DNAAF9: variants seen among roughly 807,000 people sequenced by gnomAD.
DNAAF9 encodes the protein shulin.
DNAAF9 carries 90 observed loss-of-function variants against 167.0 expected under a neutral mutation model. The ratio of observed to expected loss-of-function variants is 0.54; its 90% CI spans 0.45 to 0.64. DNAAF9 has a LOEUF of 0.64. Ranked by LOEUF, DNAAF9 falls within the 30% of genes least tolerant of loss-of-function variation. The pLI, the probability that DNAAF9 is intolerant of heterozygous loss-of-function variation, is 0.00. For missense variants in DNAAF9, 1,315 were observed against 1,442.2 expected, an observed-to-expected ratio of 0.91 and a Z score of 1.43; for synonymous variants, 491 against 508.8, an observed-to-expected ratio of 0.96 and a Z score of 0.47.
chr20:3,281,732 G>T lies in DNAAF9; in HGVS notation c.2521C>A (p.Gln841Lys). Reference sequence around the variant, plus strand: ...TTGACATTTGAGTCTGGGTGGGTCTGCAGGGCCTGGACAACATCAATAACA... The same window carrying T: ...TTGACATTTGAGTCTGGGTGGGTCTTCAGGGCCTGGACAACATCAATAACA... ...TDVIDVVQAL[Q>K]THPDSNVKAS... The change falls in exon 28 of 37, where the codon CAG (glutamine) becomes AAG (lysine). Residue 841 changes from glutamine (Q) to lysine (K), a missense_variant. By Grantham distance (53) the Gln-to-Lys change is moderately conservative. Transcript: ENST00000252032. 3 of 1,612,236 alleles carry T rather than the reference G, an allele frequency of 1.9e-6. No individual in the cohort carries two copies. Among genetic ancestry groups the T allele is most frequent in the Non-Finnish European group, 1.7e-6 (2 of 1,179,186 alleles).
rs145679854 is a variant in DNAAF9, at chr20:3,317,758, G to A, written c.1468+531C>T. On this transcript the variant is annotated intron_variant, in intron 17 of 36. Transcript: ENST00000252032. ...ATTACAGGCACCCACCACCATGCCC[G>A]GCTAATTTTTGTATTTTTAGTAGAG... Among the ~76,000 whole-genome samples, 645 of 151,882 alleles carry A rather than the reference G, an allele frequency of 4.2e-3. 4 individuals carry two copies. Among genetic ancestry groups the A allele is most frequent in the African/African-American group, 0.015 (612 of 41,394 alleles).
intron 28 of DNAAF9, among the ~76,000 whole-genome samples, chr20:3,280,859 A>C (rs1392226137): frequency 6.6e-6 from 1 of 151,942 alleles, no homozygotes; most frequent in Non-Finnish European, 1.5e-5. Context: ...AGCATCCTCC[A>C]ACCTTCCATC....
chr20:3,359,627 A>T lies in DNAAF9; in HGVS notation c.613-34T>A, dbSNP rs138169736. On this transcript the variant is annotated intron_variant, in intron 6 of 36. Coordinates refer to ENST00000252032, the MANE Select transcript of DNAAF9 (RefSeq NM_001009984.3). ...GAGGGCAAAAACATTGAAATAATTA[A>T]GTCAATATCATTAGGACAATCAGAA... 2.1e-6 allele frequency: 3 copies of T among 1,402,740 alleles called. No individual in the cohort carries two copies. In the Admixed American group the frequency reaches 5.4e-5, roughly 25 times the overall value. 86.9% of individuals were successfully genotyped at this position (1,402,740 alleles called of 1,614,324 possible).
intron 32 of DNAAF9, 44 bp downstream of exon 32, chr20:3,259,878 G>T (rs1348757526): frequency 8.8e-7 from 1 of 1,137,392 alleles, no homozygotes; most frequent in Non-Finnish European, 1.3e-6. Context: ...TTAACTCTGG[G>T]ACACCCTTTT....
intron 29 of DNAAF9, among the ~76,000 whole-genome samples, chr20:3,275,942 A>G (rs1355633325): frequency 6.6e-6 from 1 of 152,236 alleles, no homozygotes; most frequent in Non-Finnish European, 1.5e-5. Flanking sequence ...TGCTTTTAAA[A>G]GCAGGCCATG....
At chr20:3,354,235 C>A (rs573928802) in intron 7 of DNAAF9, among the ~76,000 whole-genome samples, 1 of 152,318 alleles carries the variant, frequency 6.6e-6, no homozygotes, top group Admixed American at 6.5e-5. Flanking sequence ...ATGCTATTCT[C>A]CCAACTTTTC....
At chr20:3,316,966 C>G (rs941527345) in intron 17 of DNAAF9, among the ~76,000 whole-genome samples, 173 bp from the exon 18 acceptor site, 6 of 142,836 alleles carry the variant, frequency 4.2e-5, no homozygotes, top group African/African-American at 1.6e-4. Context: ...GCCATCTCGG[C>G]TCACTGCAAC....
chr20:3,348,173 CT>C (rs1397323985), intron 8 of DNAAF9, among the ~76,000 whole-genome samples: 1 of 152,080 alleles, frequency 6.6e-6, no homozygotes, highest in Non-Finnish European at 1.5e-5. Context: ...CTAGCGTCAT[CT>C]GCTTGGAAAG....
At chr20:3,323,514 T>G (rs1240836675) in intron 14 of DNAAF9, among the ~76,000 whole-genome samples, 1 of 152,076 alleles carries the variant, frequency 6.6e-6, no homozygotes, top group African/African-American at 2.4e-5. Context: ...ACTCCTGACC[T>G]CAAGTGATCG....
At position 3,256,209 on chromosome 20, in the gene DNAAF9, A is replaced by T. The variant is rs1400293614; in HGVS notation, c.3058T>A (p.Ser1020Thr). ...TAGCAGACCTCCATGGTCCTCTCAGAGTCTGTAAGGAGAATACACATTAGT... is the reference window on the plus strand; with the variant it reads ...TAGCAGACCTCCATGGTCCTCTCAGTGTCTGTAAGGAGAATACACATTAGT... ...HILGKVKFSD[S>T]ERTMEVCYNT... is the part of the protein sequence containing the mutation. The change falls in exon 34 of 37, where the codon TCT becomes ACT. Residue 1020 changes from serine to threonine, a missense_variant and splice_region_variant. By Grantham distance (58) the Ser-to-Thr change is moderately conservative (BLOSUM62 1). Coordinates refer to ENST00000252032, the MANE Select transcript of DNAAF9 (RefSeq NM_001009984.3). The T allele has an allele frequency of 1.2e-6, 2 of 1,612,108 alleles. No individual in the cohort carries two copies. The highest frequency in any genetic ancestry group is 1.1e-5 in the South Asian group (1 of 91,050).
chr20:3,385,702 G>C (rs562020984), intron 1 of DNAAF9, among the ~76,000 whole-genome samples: 1 of 152,184 alleles, frequency 6.6e-6, no homozygotes, highest in Admixed American at 6.5e-5. Flanking sequence ...AAAGTGATGG[G>C]ACAATTGTAA....
intron 28 of DNAAF9, 77 bp from the exon 29 acceptor site, chr20:3,279,026 G>A (rs1190177890): frequency 3.5e-5 from 36 of 1,038,402 alleles, no homozygotes; most frequent in Non-Finnish European, 5.2e-5. Context: ...ATACAAATAG[G>A]AGTACCACTG....
chr20:3,302,374 A>G (rs2069206005), intron 21 of DNAAF9, among the ~76,000 whole-genome samples: 1 of 152,182 alleles, frequency 6.6e-6, no homozygotes, highest in Non-Finnish European at 1.5e-5. Flanking sequence ...CAACTCAAAC[A>G]TTTATCATTC....
At chr20:3,338,933 T>C (rs2123106918) in intron 10 of DNAAF9, among the ~76,000 whole-genome samples, 1 of 152,184 alleles carries the variant, frequency 6.6e-6, no homozygotes. Flanking sequence ...GGATTACAGG[T>C]GTGAGCCACT....
intron 14 of DNAAF9, among the ~76,000 whole-genome samples, chr20:3,323,536 C>T (rs2069657245): frequency 1.3e-5 from 2 of 152,080 alleles, no homozygotes; most frequent in Admixed American, 6.6e-5. Flanking sequence ...CTGTCTTGGC[C>T]TCCCAAAGTG....
At chr20:3,339,451 T>A (rs1277428533) in intron 10 of DNAAF9, among the ~76,000 whole-genome samples, 2 of 152,192 alleles carry the variant, frequency 1.3e-5, no homozygotes, top group African/African-American at 4.8e-5. Context: ...TTAGGTTCTG[T>A]TTAATGTTTT....
chr20:3,287,636 G>T lies in DNAAF9; in HGVS notation c.2482C>A (p.Gln828Lys). Reference protein sequence around the residue: ...RKKTRLLVVLQGYTDVIDVVQ... With the variant: ...RKKTRLLVVLKGYTDVIDVVQ... ...CAGGAGACTTCCAATGCTCACCCTTGTAACACCACCAGCAGTCTGGTCTTC... is the reference window on the plus strand; with the variant it reads ...CAGGAGACTTCCAATGCTCACCCTTTTAACACCACCAGCAGTCTGGTCTTC... Residue 828 changes from glutamine to lysine, a missense_variant, in exon 27 of 37, where the codon CAA (glutamine) becomes AAA (lysine). Gln to Lys is a moderately conservative substitution (Grantham distance 53). Transcript: ENST00000252032. 6.2e-7 allele frequency: 1 copy of T among 1,614,142 alleles called. No homozygotes were observed. Among genetic ancestry groups the T allele is most frequent in the Non-Finnish European group, 8.5e-7 (1 of 1,179,992 alleles).
At chr20:3,327,805 C>G (rs148287294) in intron 12 of DNAAF9, among the ~76,000 whole-genome samples, 1 of 152,326 alleles carries the variant, frequency 6.6e-6, no homozygotes, top group Non-Finnish European at 1.5e-5. Context: ...TCAATTTCCT[C>G]CTTGGCTCCT....
chr20:3,294,342 T>G, intron 24 of DNAAF9, 86 bp from the exon 25 acceptor site: 2 of 929,922 alleles, frequency 2.2e-6, no homozygotes, highest in South Asian at 2.9e-5. Context: ...TTTACTTAAT[T>G]GCTGAAAAAT....
Sources: allele counts gnomAD v4.1 joint callset (sites outside exome capture counted in the v4.1 genomes callset), GRCh38; gene constraint gnomAD v4.1.1; transcripts MANE v1.5; gene names NCBI Gene and HGNC (gene_info 2026-07-23, HGNC 2026-07-21).